GNG2: variants seen among roughly 807,000 people sequenced by gnomAD.
GNG2 encodes the protein guanine nucleotide-binding protein G(I)/G(S)/G(O) subunit gamma-2.
In GNG2, 5 loss-of-function variants were observed where a neutral mutation model predicts 5.5. The ratio of observed to expected loss-of-function variants is 0.91; its 90% CI spans 0.48 to 1.92. The LOEUF (loss-of-function observed/expected upper bound fraction) is 1.92. Ranked by LOEUF, GNG2 falls within the 30% of genes most tolerant of loss-of-function variation. The pLI, the probability that GNG2 is intolerant of heterozygous loss-of-function variation, is 0.01. For missense variants in GNG2, 55 were observed against 88.4 expected, an observed-to-expected ratio of 0.62 and a Z score of 1.52; for synonymous variants, 28 against 32.0, an observed-to-expected ratio of 0.88 and a Z score of 0.42.
At chr14:51,936,276 T>A (rs1372722524) in intron 2 of GNG2, among the ~76,000 whole-genome samples, 1 of 152,248 alleles carries the variant, frequency 6.6e-6, no homozygotes, top group Non-Finnish European at 1.5e-5. Flanking sequence ...TTAAGAACTC[T>A]GTGTACTCCA....
At chr14:51,920,645 A>T (rs1247465399) in intron 2 of GNG2, among the ~76,000 whole-genome samples, 1 of 152,230 alleles carries the variant, frequency 6.6e-6, no homozygotes, top group Non-Finnish European at 1.5e-5. Flanking sequence ...ATAAATGGAA[A>T]GGTCTAGGTG....
intron 1 of GNG2, 139 bp downstream of exon 1, chr14:51,860,929 G>T (rs960634359): frequency 6.6e-6 from 1 of 152,176 alleles, no homozygotes; most frequent in Non-Finnish European, 1.5e-5. Context: ...TTTTGGAAGG[G>T]TCTTTGAGAA....
At chr14:51,878,653 T>C (rs1052872907) in intron 2 of GNG2, among the ~76,000 whole-genome samples, 1 of 152,172 alleles carries the variant, frequency 6.6e-6, no homozygotes, top group Non-Finnish European at 1.5e-5. Flanking sequence ...TTCCTTAGGA[T>C]AAGAGGATCG....
chr14:51,892,106 T>C (rs116803340), intron 2 of GNG2, among the ~76,000 whole-genome samples: 39,240 of 152,068 alleles, frequency 0.26, 6,499 homozygotes, highest in Non-Finnish European at 0.37. Flanking sequence ...TTCTCTGAAT[T>C]TTAATTTTTG....
chr14:51,925,606 G>A (rs1887261060), intron 2 of GNG2, among the ~76,000 whole-genome samples: 1 of 152,106 alleles, frequency 6.6e-6, no homozygotes, highest in Non-Finnish European at 1.5e-5. Context: ...TGACATTGAA[G>A]TCTTTTCTTT....
rs568904599 is a variant in GNG2, at chr14:51,826,445, GT to G, written c.-77+218del. Among the ~76,000 whole-genome samples, 24 of 152,300 alleles carry G rather than the reference GT, an allele frequency of 1.6e-4. No homozygotes were observed. The East Asian group carries it at 4.4e-3, about 28-fold the overall frequency. Reference sequence around the variant, plus strand: ...TAGATTATATGCAAATTTTAAGTCAGTTTCCATCAGGGACTTGAGCATCTGC... The same window carrying G: ...TAGATTATATGCAAATTTTAAGTCAGTTCCATCAGGGACTTGAGCATCTGC... On this transcript the variant is annotated intron_variant, in intron 1 of 3. Coordinates refer to the GNG2 transcript ENST00000553432.
chr14:51,903,913 G>T (rs1041754511), intron 2 of GNG2, among the ~76,000 whole-genome samples: 1 of 152,170 alleles, frequency 6.6e-6, no homozygotes, highest in Non-Finnish European at 1.5e-5. Flanking sequence ...AGAGAATTTT[G>T]TTCTGTTCCC....
intron 2 of GNG2, among the ~76,000 whole-genome samples, chr14:51,853,801 G>A (rs978411476): frequency 2.6e-5 from 4 of 152,048 alleles, no homozygotes; most frequent in Admixed American, 6.6e-5. Context: ...CTTTGTGGGT[G>A]CACAGTGTTC....
At chr14:51,911,866 GTT>G (rs536563045) in intron 2 of GNG2, among the ~76,000 whole-genome samples, 1 of 134,366 alleles carries the variant, frequency 7.4e-6, no homozygotes, top group African/African-American at 2.8e-5. Context: ...CTTTTCTTAT[GTT>G]TTTTTTTTTT....
At chr14:51,865,796 T>C (rs1882837196) in intron 1 of GNG2, among the ~76,000 whole-genome samples, 1 of 152,202 alleles carries the variant, frequency 6.6e-6, no homozygotes, top group African/African-American at 2.4e-5. Context: ...GTGTGAAAGA[T>C]GCCACTGTGG....
rs142051968 is a variant in GNG2 at position 51,945,898 on chromosome 14, G to GTTGTTTGTTTGT, written c.-29-4741_-29-4730dup. 1.1e-3 allele frequency among the ~76,000 whole-genome samples: 169 copies of GTTGTTTGTTTGT among 151,424 alleles called. 1 individual carries two copies. The East Asian group carries it at 0.012, about 10-fold the overall frequency. On this transcript the variant is annotated intron_variant, in intron 2 of 3. Coordinates refer to ENST00000556766, the MANE Select transcript of GNG2 (RefSeq NM_053064.5). ...TTTTCTCCTCTTCCTCTCACGTTGCGTTGTTTGTTTGTTTGTTTGTTTAAG... is the reference window on the plus strand; with the variant it reads ...TTTTCTCCTCTTCCTCTCACGTTGCGTTGTTTGTTTGTTTGTTTGTTTGTTTGTTTGTTTAAG...
At chr14:51,952,625 C>T (rs72678155) in intron 3 of GNG2, among the ~76,000 whole-genome samples, 7,053 of 151,758 alleles carry the variant, frequency 0.046, 232 homozygotes, top group Non-Finnish European at 0.075. Flanking sequence ...TATTCAGCAT[C>T]CCCAGTTACT....
intron 1 of GNG2, among the ~76,000 whole-genome samples, chr14:51,866,373 C>G (rs1317895845): frequency 2.0e-5 from 3 of 152,170 alleles, no homozygotes; most frequent in Admixed American, 2.0e-4. Flanking sequence ...TCAATGGAAA[C>G]CATTCAACCA....
intron 2 of GNG2, among the ~76,000 whole-genome samples, chr14:51,886,762 C>G (rs1011616949): frequency 1.3e-5 from 2 of 152,134 alleles, no homozygotes; most frequent in African/African-American, 4.8e-5. Flanking sequence ...ACTGATTCTT[C>G]CACTTATTCT....
In GNG2 at chr14:51,869,278, T is replaced by C. The variant is rs2140117867; in HGVS notation, c.-70-8339T>C. 2.6e-5 allele frequency among the ~76,000 whole-genome samples: 4 copies of C among 152,360 alleles called. No homozygotes were observed. In the South Asian group the frequency reaches 8.3e-4, roughly 32 times the overall value. On this transcript the variant is annotated intron_variant, in intron 1 of 3. Coordinates refer to ENST00000556766, the MANE Select transcript of GNG2 (RefSeq NM_053064.5). The stretch of plus-strand genomic sequence containing the variant: ...CTGATAAAGGAATGTCCTACTAAAA[T>C]GGCGTAAGCAATAGGAAATTGATCG...
intron 2 of GNG2, among the ~76,000 whole-genome samples, chr14:51,844,742 T>C (rs1372814229): frequency 6.6e-6 from 1 of 151,936 alleles, no homozygotes; most frequent in Non-Finnish European, 1.5e-5. Flanking sequence ...ATTTCTTTTT[T>C]TGAGGCAGAG....
At chr14:51,841,767 A>C (rs1010995885) in intron 2 of GNG2, among the ~76,000 whole-genome samples, 1 of 152,244 alleles carries the variant, frequency 6.6e-6, no homozygotes, top group Non-Finnish European at 1.5e-5. Flanking sequence ...GTATAGATAC[A>C]AGGAAATGCT....
intron 2 of GNG2, among the ~76,000 whole-genome samples, chr14:51,907,018 G>A (rs184065848): frequency 9.2e-4 from 140 of 152,292 alleles, no homozygotes; most frequent in African/African-American, 2.7e-3. Flanking sequence ...GCCTCCCAAA[G>A]TGCTGGGATT....
rs553762996 is a variant in GNG2, at chr14:51,886,674, G to C, written c.-30+9017G>C. ...GTGGGGAGAGGACCTCCTTAGTGGA[G>C]CTGTGGCCTCCAGGAAAGGGATATA... On this transcript the variant is annotated intron_variant, in intron 2 of 3. Coordinates refer to ENST00000556766, the MANE Select transcript of GNG2 (RefSeq NM_053064.5). 1.3e-3 allele frequency among the ~76,000 whole-genome samples: 205 copies of C among 152,316 alleles called. 1 individual carries two copies. Among genetic ancestry groups the C allele is most frequent in the African/African-American group, 4.8e-3 (200 of 41,570 alleles).
Sources: allele counts gnomAD v4.1 joint callset (sites outside exome capture counted in the v4.1 genomes callset), GRCh38; gene constraint gnomAD v4.1.1; transcripts MANE v1.5; gene names NCBI Gene and HGNC (gene_info 2026-07-23, HGNC 2026-07-21).